CNOT10: variants seen among roughly 807,000 people sequenced by gnomAD.
CNOT10 encodes CCR4-NOT transcription complex subunit 10, also known as CCR4-NOT transcription complex, subunit 10.
CNOT10 carries 30 observed loss-of-function variants against 94.6 expected under a neutral mutation model. The ratio of observed to expected loss-of-function variants is 0.32; its 90% CI spans 0.24 to 0.43. CNOT10 has a LOEUF of 0.43. Ranked by LOEUF, CNOT10 falls within the 20% of genes least tolerant of loss-of-function variation. CNOT10 has a pLI of 1.00. For synonymous variants in CNOT10, 289 were observed against 301.6 expected (o/e 0.96, Z 0.43); for missense variants, 759 against 877.2 (o/e 0.87, Z 1.70).
chr3:32,693,185 T>C (rs1316108731), intron 1 of CNOT10, among the ~76,000 whole-genome samples: 1 of 152,188 alleles, frequency 6.6e-6, no homozygotes, highest in Admixed American at 6.5e-5. Context: ...TGACCTATGT[T>C]TGATATTTAA....
At chr3:32,733,352 A>C in intron 10 of CNOT10, 71 bp from the exon 11 acceptor site, 1 of 1,148,334 alleles carries the variant, frequency 8.7e-7, no homozygotes, top group Non-Finnish European at 1.2e-6. Flanking sequence ...ATTGTGAGAG[A>C]TATTCCCTCA....
chr3:32,749,227 A>G (rs1699851231), intron 13 of CNOT10, among the ~76,000 whole-genome samples: 1 of 152,120 alleles, frequency 6.6e-6, no homozygotes, highest in Non-Finnish European at 1.5e-5. Context: ...TGCCCTTTGA[A>G]GCATAAACGT....
chr3:32,747,451 T>A (rs535781423), intron 13 of CNOT10, among the ~76,000 whole-genome samples: 42 of 152,006 alleles, frequency 2.8e-4, no homozygotes, highest in Admixed American at 1.3e-3. Flanking sequence ...ATAAATAAAA[T>A]AAAAATAATT....
At chr3:32,728,010 T>TA (rs1473847247) in intron 10 of CNOT10, 140 bp downstream of exon 10, 2 of 474,172 alleles carry the variant, frequency 4.2e-6, no homozygotes, top group South Asian at 3.4e-5. Flanking sequence ...TTTATTTATT[T>TA]TTTGAGACGG....
intron 10 of CNOT10, among the ~76,000 whole-genome samples, chr3:32,729,640 G>C (rs1417662988): frequency 6.6e-6 from 1 of 152,030 alleles, no homozygotes; most frequent in Non-Finnish European, 1.5e-5. Flanking sequence ...AACAGAGGAA[G>C]AGATGAGTGA....
intron 1 of CNOT10, among the ~76,000 whole-genome samples, chr3:32,692,374 G>A (rs1696889014): frequency 6.6e-6 from 1 of 152,164 alleles, no homozygotes; most frequent in East Asian, 1.9e-4. Context: ...GGGATTACAG[G>A]TGTAAGCCAC....
intron 4 of CNOT10, among the ~76,000 whole-genome samples, chr3:32,712,964 A>G (rs945162315): frequency 1.3e-5 from 2 of 152,214 alleles, no homozygotes; most frequent in African/African-American, 4.8e-5. Flanking sequence ...TCCTCATTAC[A>G]TGTGCTAGTG....
Position 32,773,503 on chromosome 3 carries a change from C to T in CNOT10, c.2127C>T (p.Leu709=). ...ALQIIKRNQL[L]PAVKTHSEVR... is the part of the protein sequence containing the mutation. ...AGATCATCAAAAGGAATCAGCTGCTCCCTGCAGTGAAAACACACTCTGAAG... is the reference window on the plus strand; with the variant it reads ...AGATCATCAAAAGGAATCAGCTGCTTCCTGCAGTGAAAACACACTCTGAAG... Residue 709 remains leucine (L), a synonymous_variant, in exon 19 of 19, where the codon CTC becomes CTT. Transcript: ENST00000328834. 7 of 1,614,038 alleles carry T rather than the reference C, an allele frequency of 4.3e-6. No homozygotes were observed. The highest frequency in any genetic ancestry group is 5.9e-6 in the Non-Finnish European group (7 of 1,179,982).
chr3:32,689,396 A>C (rs1452130590), intron 1 of CNOT10, among the ~76,000 whole-genome samples: 1 of 151,950 alleles, frequency 6.6e-6, no homozygotes, highest in Non-Finnish European at 1.5e-5. Context: ...ATAGAGGATG[A>C]CTGAAAGCCT....
chr3:32,765,880 A>G lies in CNOT10; in HGVS notation c.2004+1071A>G, dbSNP rs1393325072. ...TCTGTATAACCCTGTATACATGCAT[A>G]AAAGATCTCTGAAAGGACACACCAA... On this transcript the variant is annotated intron_variant, in intron 17 of 18. Transcript: ENST00000328834. Among the ~76,000 whole-genome samples, 6 of 53,060 alleles carry G rather than the reference A, an allele frequency of 1.1e-4. 3 individuals carry two copies. The highest frequency in any genetic ancestry group is 5.0e-4 in the Admixed American group (2 of 3,998). 34.8% of individuals were successfully genotyped at this position (53,060 alleles called of 152,430 possible).
chr3:32,754,517 AC>A (rs1700134149), intron 13 of CNOT10, among the ~76,000 whole-genome samples: 1 of 79,378 alleles, frequency 1.3e-5, no homozygotes, highest in Non-Finnish European at 2.3e-5. Flanking sequence ...TATTTATTTT[AC>A]TTTTTTTTTT....
chr3:32,716,292 C>T lies in CNOT10; in HGVS notation c.641C>T (p.Ala214Val). 6.3e-7 allele frequency: 1 copy of T among 1,592,552 alleles called. No homozygotes were observed. Among genetic ancestry groups the T allele is most frequent in the Non-Finnish European group, 8.6e-7 (1 of 1,165,530 alleles). Residue 214 changes from alanine to valine, a missense_variant, in exon 6 of 19, where the codon GCA becomes GTA. Transcript: ENST00000328834. ...KAESGALIEAAKSKIHQYKVR... is the reference protein window; with the variant it reads ...KAESGALIEAVKSKIHQYKVR... ...GAAAGTGGAGCTCTAATAGAAGCTG[C>T]AAAATCAAAGATACATCAGGTAGTA...
At chr3:32,707,883 T>G (rs1372798382) in intron 3 of CNOT10, among the ~76,000 whole-genome samples, 1 of 152,092 alleles carries the variant, frequency 6.6e-6, no homozygotes, top group African/African-American at 2.4e-5. Flanking sequence ...TGGTAAATAG[T>G]TAACTATTTT....
intron 1 of CNOT10, among the ~76,000 whole-genome samples, chr3:32,689,767 G>A (rs1191829157): frequency 3.3e-5 from 5 of 152,066 alleles, no homozygotes; most frequent in African/African-American, 1.2e-4. Flanking sequence ...CAGCCTAGGC[G>A]ACATAGCCAG....
At chr3:32,753,355 A>G (rs1700048230) in intron 13 of CNOT10, 1 of 1,265,444 alleles carries the variant, frequency 7.9e-7, no homozygotes, top group Admixed American at 1.7e-5. Flanking sequence ...CAGAATCGCA[A>G]GTAGTCATTA....
intron 1 of CNOT10, among the ~76,000 whole-genome samples, chr3:32,685,965 C>T (rs1402859563): frequency 6.6e-6 from 1 of 151,890 alleles, no homozygotes; most frequent in Non-Finnish European, 1.5e-5. Flanking sequence ...TAGAGACGGG[C>T]GGGGGTCTCG....
intron 13 of CNOT10, among the ~76,000 whole-genome samples, chr3:32,741,128 T>A (rs180909987): frequency 9.2e-4 from 140 of 152,326 alleles, no homozygotes; most frequent in African/African-American, 3.0e-3. Flanking sequence ...TTAATTTCTA[T>A]AATTTTGTCT....
At chr3:32,706,803 C>G (rs537923426) in intron 3 of CNOT10, among the ~76,000 whole-genome samples, 9 of 152,314 alleles carry the variant, frequency 5.9e-5, no homozygotes, top group African/African-American at 1.9e-4. Flanking sequence ...TTTGAAGATA[C>G]TGTTTTTAAT....
At chr3:32,695,596 TC>T (rs1024363741) in intron 1 of CNOT10, 110 of 1,534,724 alleles carry the variant, frequency 7.2e-5, no homozygotes, top group Non-Finnish European at 6.0e-5. Flanking sequence ...TCTGCTTAGT[TC>T]AAACCTAAAG....
Sources: allele counts gnomAD v4.1 joint callset (sites outside exome capture counted in the v4.1 genomes callset), GRCh38; gene constraint gnomAD v4.1.1; transcripts MANE v1.5; gene names NCBI Gene and HGNC (gene_info 2026-07-23, HGNC 2026-07-21).